The following UBE3C variants were observed in gnomAD, a reference collection of about 807,000 sequenced individuals.
The protein encoded by UBE3C is ubiquitin-protein ligase E3C.
Under a neutral mutation model 129.4 loss-of-function variants are expected in UBE3C, and 42 were observed. The observed-to-expected ratio is 0.32, with a 90% CI of 0.25 to 0.42. The LOEUF (loss-of-function observed/expected upper bound fraction) is 0.42. UBE3C is among the 10% of genes least tolerant of loss of function. The pLI is 1.00. For missense variants in UBE3C, 1,049 were observed against 1,319.1 expected, an observed-to-expected ratio of 0.80 and a Z score of 3.17; for synonymous variants, 510 against 492.4, an observed-to-expected ratio of 1.04 and a Z score of -0.47.
intron 10 of UBE3C, chr7:157,188,904 G>C (rs951237210): frequency 3.1e-6 from 2 of 638,994 alleles, no homozygotes; most frequent in Non-Finnish European, 2.9e-6. Context: ...TTTATTTTCA[G>C]AGTTAGGATT....
At chr7:157,142,816 C>T (rs745865311) in intron 1 of UBE3C, among the ~76,000 whole-genome samples, 8 of 151,922 alleles carry the variant, frequency 5.3e-5, no homozygotes, top group African/African-American at 7.3e-5. Flanking sequence ...TTGTAACAAA[C>T]GTGCATAGGT....
intron 1 of UBE3C, among the ~76,000 whole-genome samples, chr7:157,158,065 T>C (rs13231807): frequency 1.4e-5 from 2 of 146,062 alleles, no homozygotes; most frequent in Non-Finnish European, 3.0e-5. Context: ...TTTTTTTTTT[T>C]TTTTTTTCCT....
intron 18 of UBE3C, among the ~76,000 whole-genome samples, chr7:157,239,992 A>G (rs1017558735): frequency 1.3e-5 from 2 of 152,230 alleles, no homozygotes; most frequent in African/African-American, 4.8e-5. Flanking sequence ...CGGGGGATCT[A>G]TTAAAAATGC....
intron 2 of UBE3C, among the ~76,000 whole-genome samples, chr7:157,167,405 G>A (rs1808246609): frequency 6.6e-6 from 1 of 152,182 alleles, no homozygotes; most frequent in African/African-American, 2.4e-5. Context: ...TCATACCTGA[G>A]TTTGAATTCT....
chr7:157,206,134 ATAG>A (rs1429315925), intron 11 of UBE3C, among the ~76,000 whole-genome samples: 1 of 152,218 alleles, frequency 6.6e-6, no homozygotes, highest in Non-Finnish European at 1.5e-5. Flanking sequence ...CATGGACTTT[ATAG>A]AAAGAGCTTG....
At chr7:157,232,969 A>G (rs991066678) in intron 18 of UBE3C, among the ~76,000 whole-genome samples, 9 of 152,174 alleles carry the variant, frequency 5.9e-5, no homozygotes, top group Non-Finnish European at 1.5e-5. Context: ...TCACTGTGTT[A>G]TGTGACCATC....
At chr7:157,226,921 T>G (rs1359314577) in intron 17 of UBE3C, among the ~76,000 whole-genome samples, 1 of 152,204 alleles carries the variant, frequency 6.6e-6, no homozygotes, top group Non-Finnish European at 1.5e-5. Flanking sequence ...GTACTTTGAC[T>G]CCTAATCTAA....
chr7:157,181,195 CTA>C (rs1808656363), intron 6 of UBE3C, among the ~76,000 whole-genome samples: 1 of 152,180 alleles, frequency 6.6e-6, no homozygotes, highest in Non-Finnish European at 1.5e-5. Flanking sequence ...TGTTAAGGAA[CTA>C]CTCTTCATTT....
intron 22 of UBE3C, among the ~76,000 whole-genome samples, chr7:157,257,953 T>C (rs1417958772): frequency 6.6e-6 from 1 of 150,710 alleles, no homozygotes; most frequent in Non-Finnish European, 1.5e-5. Context: ...TTTCTTTTTT[T>C]TTTTTTTTAA....
rs1028526362 is a variant in UBE3C at position 157,148,339 on chromosome 7, G to A, written c.66+9001G>A. Among the ~76,000 whole-genome samples, 7 of 152,162 alleles carry A rather than the reference G, an allele frequency of 4.6e-5. No homozygotes were observed. The East Asian group carries it at 5.8e-4, about 13-fold the overall frequency. On this transcript the variant is annotated intron_variant, in intron 1 of 22. Transcript: ENST00000348165. ...ACTGGCCTTGAACTCCTGGCCTCAA[G>A]TGATCTGCCCACCTCAGCTTCCCAA...
chr7:157,225,641 A>G (rs920961384), intron 17 of UBE3C, 102 bp downstream of exon 17: 8 of 1,331,228 alleles, frequency 6.0e-6, no homozygotes, highest in African/African-American at 3.0e-5. Context: ...ATCTTGTTCC[A>G]TAATGACTTA....
intron 22 of UBE3C, among the ~76,000 whole-genome samples, chr7:157,259,269 A>G (rs1041216543): frequency 8.5e-5 from 13 of 152,256 alleles, no homozygotes; most frequent in African/African-American, 2.4e-4. Flanking sequence ...CGCGTCCTTC[A>G]TAGAATCTGA....
intron 18 of UBE3C, among the ~76,000 whole-genome samples, chr7:157,233,577 G>A (rs896126662): frequency 6.6e-6 from 1 of 152,072 alleles, no homozygotes; most frequent in Non-Finnish European, 1.5e-5. Context: ...ACCACACCCA[G>A]TCACCGCATT....
At chr7:157,163,979 G>A (rs907666013) in intron 2 of UBE3C, 116 bp downstream of exon 2, 2 of 881,580 alleles carry the variant, frequency 2.3e-6, no homozygotes, top group Non-Finnish European at 3.4e-6. Flanking sequence ...ATGACAGAAT[G>A]TGTGTGTATG....
At chr7:157,217,838 AAAAAAAGAAAG>A (rs1232981252) in intron 14 of UBE3C, among the ~76,000 whole-genome samples, 2 of 151,954 alleles carry the variant, frequency 1.3e-5, no homozygotes, top group Middle Eastern at 3.2e-3. Context: ...ATTCCGTCTC[AAAAAAAGAAAG>A]AAAAATGAAA....
intron 13 of UBE3C, 62 bp downstream of exon 13, chr7:157,207,997 A>T: frequency 9.7e-7 from 1 of 1,035,340 alleles, no homozygotes; most frequent in African/African-American, 1.6e-5. Context: ...TTTTGTCTTG[A>T]CTCGTTGCAG....
intron 11 of UBE3C, 32 bp from the exon 12 acceptor site, chr7:157,207,366 A>T: frequency 1.3e-6 from 2 of 1,588,258 alleles, no homozygotes; most frequent in Non-Finnish European, 1.7e-6. Context: ...TTTTAAAGTG[A>T]CTGGTTTTTT....
In UBE3C at chr7:157,201,683, G is replaced by C. The variant is rs752632007; in HGVS notation, c.1332-38G>C. On this transcript the variant is annotated intron_variant, in intron 10 of 22. Coordinates refer to ENST00000348165, the MANE Select transcript of UBE3C (RefSeq NM_014671.3). ...TAAGAAATGTTTTGAATAAGTAATT[G>C]CTTTACTGTTCTGTGTTTTTCTCCT... is the stretch of plus-strand genomic sequence containing the variant. 16 of 531,622 alleles carry C rather than the reference G, an allele frequency of 3.0e-5. No homozygotes were observed. In the East Asian group the frequency reaches 9.3e-4, roughly 31 times the overall value. The allele number at this position is 531,622 out of a possible 1,614,324, so 32.9% of individuals were successfully genotyped here.
intron 10 of UBE3C, among the ~76,000 whole-genome samples, chr7:157,199,065 A>G (rs963237084): frequency 2.6e-5 from 4 of 152,228 alleles, no homozygotes; most frequent in Non-Finnish European, 2.9e-5. Flanking sequence ...TTCTATGTCT[A>G]CACACAAGGG....
Sources: gnomAD v4.1 joint callset for allele counts (sites outside exome capture counted in the v4.1 genomes callset) on GRCh38, gnomAD v4.1.1 for gene constraint, MANE v1.5 for transcripts, NCBI Gene and HGNC (gene_info 2026-07-23, HGNC 2026-07-21) for gene names.